DOCK3: variants seen among roughly 807,000 people sequenced by gnomAD.
The protein encoded by DOCK3 is dedicator of cytokinesis protein 3.
DOCK3 carries 60 observed loss-of-function variants against 265.6 expected under a neutral mutation model. The observed-to-expected ratio is 0.23, with a 90% CI of 0.18 to 0.28. DOCK3 has a LOEUF of 0.28. DOCK3 is among the 10% of genes least tolerant of loss of function. DOCK3 has a pLI of 1.00. For synonymous variants in DOCK3, 881 were observed against 938.0 expected (o/e 0.94, Z 1.11); for missense variants, 1,981 against 2,594.3 (o/e 0.76, Z 5.14).
rs562497979 is a variant in DOCK3, at chr3:51,152,991, A to C, written c.829-6253A>C. Among the ~76,000 whole-genome samples, 4 of 152,346 alleles carry C rather than the reference A, an allele frequency of 2.6e-5. No individual in the cohort carries two copies. The East Asian group carries it at 7.7e-4, about 29-fold the overall frequency. ...TTGAGGAGGCAGTCTGTCCATTCTCAGAGCTCAAACACTGTGCAGGGAGAA... is the reference window on the plus strand; with the variant it reads ...TTGAGGAGGCAGTCTGTCCATTCTCCGAGCTCAAACACTGTGCAGGGAGAA... On this transcript the variant is annotated intron_variant, in intron 10 of 52. Transcript: ENST00000266037.
At chr3:50,702,877 G>A (rs1354658820) in intron 1 of DOCK3, among the ~76,000 whole-genome samples, 1 of 152,048 alleles carries the variant, frequency 6.6e-6, no homozygotes, top group African/African-American at 2.4e-5. Flanking sequence ...CTCCAGTACT[G>A]TGTTGAATAA....
At chr3:51,311,932 C>CCA (rs2083086801) in intron 28 of DOCK3, 72 bp from the exon 29 acceptor site, 1 of 1,184,726 alleles carries the variant, frequency 8.4e-7, no homozygotes, top group Non-Finnish European at 1.2e-6. Context: ...AGGCTATAGA[C>CCA]AGCTGATACC....
At chr3:50,689,035 C>G (rs567819494) in intron 1 of DOCK3, among the ~76,000 whole-genome samples, 1 of 152,230 alleles carries the variant, frequency 6.6e-6, no homozygotes, top group South Asian at 2.1e-4. Flanking sequence ...TGACTTAAAG[C>G]CTGCCACCAG....
At chr3:50,808,496 C>T (rs188304874) in intron 2 of DOCK3, among the ~76,000 whole-genome samples, 56 of 152,304 alleles carry the variant, frequency 3.7e-4, no homozygotes, top group Non-Finnish European at 7.3e-5. Context: ...TAAAAGACTA[C>T]TGAAACAGAA....
chr3:51,335,048 A>G (rs2084770889), intron 35 of DOCK3, among the ~76,000 whole-genome samples: 1 of 152,162 alleles, frequency 6.6e-6, no homozygotes, highest in African/African-American at 2.4e-5. Flanking sequence ...TCTTGCTAAC[A>G]TGAAAGGAAA....
chr3:50,870,797 A>G (rs910768675), intron 3 of DOCK3, among the ~76,000 whole-genome samples: 1 of 151,958 alleles, frequency 6.6e-6, no homozygotes, highest in Admixed American at 6.6e-5. Context: ...TGTGATTACC[A>G]TGAGGCTTGC....
intron 1 of DOCK3, among the ~76,000 whole-genome samples, chr3:50,694,844 A>G (rs1329652322): frequency 6.6e-6 from 1 of 152,264 alleles, no homozygotes; most frequent in East Asian, 1.9e-4. Flanking sequence ...AATGAAAAAC[A>G]AAAAAACAAA....
At chr3:50,813,657 C>A (rs560642255) in intron 2 of DOCK3, among the ~76,000 whole-genome samples, 1 of 152,096 alleles carries the variant, frequency 6.6e-6, no homozygotes, top group Non-Finnish European at 1.5e-5. Context: ...TCTTGATAAA[C>A]CCATCATGAA....
chr3:51,229,430 A>C, intron 18 of DOCK3, 82 bp from the exon 19 acceptor site: 1 of 1,024,420 alleles, frequency 9.8e-7, no homozygotes, highest in African/African-American at 1.7e-5. Flanking sequence ...CAGCCTGGGC[A>C]ACAGAGTGAG....
intron 1 of DOCK3, among the ~76,000 whole-genome samples, chr3:50,710,945 G>A (rs1284921559): frequency 6.6e-6 from 1 of 152,208 alleles, no homozygotes; most frequent in Non-Finnish European, 1.5e-5. Context: ...GTAAGTGGGA[G>A]CTAAGCCATG....
chr3:51,233,307 A>ATTCT (rs58346749), intron 19 of DOCK3, among the ~76,000 whole-genome samples: 1 of 148,816 alleles, frequency 6.7e-6, no homozygotes, highest in Non-Finnish European at 1.5e-5. Flanking sequence ...TTTTAGCAGT[A>ATTCT]TTCTTTCTTT....
intron 5 of DOCK3, among the ~76,000 whole-genome samples, chr3:50,991,839 G>T (rs891335713): frequency 3.3e-5 from 5 of 151,264 alleles, no homozygotes; most frequent in East Asian, 1.9e-4. Context: ...CCACATAATT[G>T]GACATAAAAT....
intron 1 of DOCK3, among the ~76,000 whole-genome samples, chr3:50,704,625 ATT>A (rs58284778): frequency 2.3e-3 from 257 of 110,980 alleles, no homozygotes; most frequent in Middle Eastern, 9.3e-3. Flanking sequence ...TGTAGGCAGC[ATT>A]TTTTTTTTTT....
At chr3:51,325,733 TA>T (rs1399242300) in intron 32 of DOCK3, among the ~76,000 whole-genome samples, 13 of 152,164 alleles carry the variant, frequency 8.5e-5, no homozygotes, top group East Asian at 7.7e-4. Flanking sequence ...TATGCAGCCA[TA>T]AAAAAAGATG....
At position 51,355,978 on chromosome 3, in the gene DOCK3, C is replaced by G; in HGVS notation, c.4250-111C>G. On this transcript the variant is annotated intron_variant, in intron 41 of 52. Transcript: ENST00000266037. ...GCCACTGCCTCCCCTACTGGGCTGT[C>G]AGTAAGGAGCAGGGACTATGGTGCA... 5 of 1,395,950 alleles carry G rather than the reference C, an allele frequency of 3.6e-6. No individual in the cohort carries two copies. In the South Asian group the frequency reaches 3.9e-5, roughly 11 times the overall value. 86.5% of individuals were successfully genotyped at this position (1,395,950 alleles called of 1,614,324 possible).
At chr3:50,980,182 A>G (rs1393679817) in intron 5 of DOCK3, among the ~76,000 whole-genome samples, 2 of 152,148 alleles carry the variant, frequency 1.3e-5, no homozygotes, top group Non-Finnish European at 2.9e-5. Context: ...GTTGAATTTT[A>G]TTAAATGCTT....
intron 5 of DOCK3, among the ~76,000 whole-genome samples, chr3:51,035,304 A>G (rs2080223679): frequency 6.6e-6 from 1 of 151,950 alleles, no homozygotes; most frequent in Non-Finnish European, 1.5e-5. Flanking sequence ...GTCTTTTCAG[A>G]TGAAATTCTG....
chr3:50,845,188 CA>C (rs2046022815), intron 3 of DOCK3, among the ~76,000 whole-genome samples: 1 of 151,772 alleles, frequency 6.6e-6, no homozygotes, highest in African/African-American at 2.4e-5. Context: ...TCGTGGACAA[CA>C]AAGGGAGACT....
At chr3:50,946,119 G>T (rs1312697797) in intron 5 of DOCK3, among the ~76,000 whole-genome samples, 17 of 140,778 alleles carry the variant, frequency 1.2e-4, no homozygotes. Flanking sequence ...AAAAAAAAAG[G>T]CTTATAACTG....
Sources: gnomAD v4.1 joint callset for allele counts (sites outside exome capture counted in the v4.1 genomes callset) on GRCh38, gnomAD v4.1.1 for gene constraint, MANE v1.5 for transcripts, NCBI Gene and HGNC (gene_info 2026-07-23, HGNC 2026-07-21) for gene names.